The following DDX10 variants were observed in gnomAD, a reference collection of about 807,000 sequenced individuals.
DDX10 encodes the protein probable ATP-dependent RNA helicase DDX10.
In DDX10, 74 loss-of-function variants were observed where a neutral mutation model predicts 104.3. The observed-to-expected ratio is 0.71, with a 90% confidence interval of 0.59 to 0.86. The LOEUF is 0.86. Among genes scored for constraint, DDX10 ranks in the 40% least tolerant of loss-of-function variants. DDX10 has a pLI of 0.00. For synonymous variants in DDX10, 351 were observed against 353.4 expected (o/e 0.99, Z 0.08); for missense variants, 952 against 1,040.0 (o/e 0.92, Z 1.16).
At chr11:108,703,745 A>AT (rs1214173750) in intron 9 of DDX10, among the ~76,000 whole-genome samples, 1 of 152,166 alleles carries the variant, frequency 6.6e-6, no homozygotes, top group Non-Finnish European at 1.5e-5. Context: ...TCTTGCAAGC[A>AT]TTTTTTAAAA....
intron 13 of DDX10, among the ~76,000 whole-genome samples, chr11:108,724,040 A>AAGTG (rs2094302164): frequency 6.6e-6 from 1 of 152,084 alleles, no homozygotes; most frequent in Non-Finnish European, 1.5e-5. Context: ...TAGATAAAGC[A>AAGTG]CTTGTTTTCT....
intron 13 of DDX10, among the ~76,000 whole-genome samples, chr11:108,744,636 C>T (rs1473407857): frequency 1.3e-5 from 2 of 152,130 alleles, no homozygotes. Flanking sequence ...TTCTTTTACT[C>T]ACTTATTATG....
intron 16 of DDX10, among the ~76,000 whole-genome samples, chr11:108,906,258 G>A (rs1863595516): frequency 6.6e-6 from 1 of 152,022 alleles, no homozygotes; most frequent in African/African-American, 2.4e-5. Context: ...GTTATTTTGT[G>A]TATAATATTT....
At chr11:108,700,702 C>T (rs372510526) in intron 9 of DDX10, among the ~76,000 whole-genome samples, 36 of 152,280 alleles carry the variant, frequency 2.4e-4, no homozygotes, top group South Asian at 2.1e-4. Context: ...CACTAATGAC[C>T]GTGTACCCTT....
chr11:108,895,252 A>G (rs1266488715), intron 16 of DDX10, among the ~76,000 whole-genome samples: 1 of 151,736 alleles, frequency 6.6e-6, no homozygotes. Flanking sequence ...TCATCACTGA[A>G]TAAGTGATTT....
chr11:108,892,091 C>T (rs1394486429), intron 16 of DDX10, among the ~76,000 whole-genome samples: 3 of 152,144 alleles, frequency 2.0e-5, no homozygotes, highest in African/African-American at 7.2e-5. Context: ...ATATTTGACC[C>T]TTCAATCCTC....
chr11:108,719,022 T>A (rs1483420645), intron 11 of DDX10, among the ~76,000 whole-genome samples: 1 of 152,116 alleles, frequency 6.6e-6, no homozygotes, highest in Non-Finnish European at 1.5e-5. Context: ...TAGATGAGTT[T>A]TGTTATCTGT....
chr11:108,932,977 T>C (rs1287487233), intron 17 of DDX10, among the ~76,000 whole-genome samples: 3 of 151,984 alleles, frequency 2.0e-5, no homozygotes, highest in Admixed American at 6.6e-5. Flanking sequence ...CTTGAAGTCA[T>C]AGTCATTTGT....
intron 13 of DDX10, among the ~76,000 whole-genome samples, chr11:108,771,670 G>T (rs1056455403): frequency 5.9e-5 from 9 of 152,206 alleles, no homozygotes; most frequent in African/African-American, 1.7e-4. Context: ...ATTAGATGTT[G>T]TGGGGTCAGT....
intron 10 of DDX10, among the ~76,000 whole-genome samples, chr11:108,710,336 T>C (rs1332956886): frequency 6.6e-6 from 1 of 152,236 alleles, no homozygotes; most frequent in African/African-American, 2.4e-5. Flanking sequence ...TTCTTGATTC[T>C]TTTGTAATTA....
At chr11:108,873,420 A>C (rs768658983) in intron 16 of DDX10, among the ~76,000 whole-genome samples, 3 of 152,150 alleles carry the variant, frequency 2.0e-5, no homozygotes, top group African/African-American at 4.8e-5. Context: ...GTTATGCCTG[A>C]TAGTTCAGAG....
chr11:108,712,004 G>T (rs1459155023), intron 10 of DDX10, among the ~76,000 whole-genome samples: 6 of 152,166 alleles, frequency 3.9e-5, no homozygotes, highest in African/African-American at 1.4e-4. Context: ...GAGCCTATAC[G>T]TTAAGGATTG....
chr11:108,786,156 T>C (rs532581543), intron 13 of DDX10, among the ~76,000 whole-genome samples: 38 of 152,230 alleles, frequency 2.5e-4, no homozygotes, highest in African/African-American at 9.1e-4. Context: ...TTTTGTGTTA[T>C]TTTTGAGAAA....
chr11:108,877,443 G>A (rs1863168152), intron 16 of DDX10, among the ~76,000 whole-genome samples: 1 of 152,162 alleles, frequency 6.6e-6, no homozygotes, highest in African/African-American at 2.4e-5. Context: ...TGAGATTCCA[G>A]AAGTGTTATA....
intron 13 of DDX10, among the ~76,000 whole-genome samples, chr11:108,799,281 C>G (rs1591821266): frequency 6.6e-6 from 1 of 152,212 alleles, no homozygotes; most frequent in African/African-American, 2.4e-5. Context: ...TCACCAGATT[C>G]TGGTTCACTC....
intron 16 of DDX10, among the ~76,000 whole-genome samples, chr11:108,853,210 A>C (rs558779414): frequency 3.3e-5 from 5 of 152,184 alleles, no homozygotes; most frequent in Admixed American, 1.3e-4. Flanking sequence ...GCTTCTGCAT[A>C]TGCTTTAACG....
intron 16 of DDX10, among the ~76,000 whole-genome samples, chr11:108,872,976 G>C (rs1205509946): frequency 6.6e-6 from 1 of 152,062 alleles, no homozygotes; most frequent in Non-Finnish European, 1.5e-5. Context: ...TGTGACTTGA[G>C]ATCAGGAGCC....
At chr11:108,759,272 A>T (rs2094347932) in intron 13 of DDX10, among the ~76,000 whole-genome samples, 1 of 152,084 alleles carries the variant, frequency 6.6e-6, no homozygotes, top group Admixed American at 6.6e-5. Context: ...GCTGTCATAT[A>T]CCTATATGAC....
chr11:108,761,932 T>G (rs986627259), intron 13 of DDX10, among the ~76,000 whole-genome samples: 2 of 152,150 alleles, frequency 1.3e-5, no homozygotes, highest in Non-Finnish European at 2.9e-5. Flanking sequence ...TTATATAATA[T>G]TTTCTACACT....
Sources: gnomAD v4.1 joint callset for allele counts (sites outside exome capture counted in the v4.1 genomes callset) on GRCh38, gnomAD v4.1.1 for gene constraint, MANE v1.5 for transcripts, NCBI Gene and HGNC (gene_info 2026-07-23, HGNC 2026-07-21) for gene names.